ONECUT1: variants seen among roughly 807,000 people sequenced by gnomAD.
ONECUT1 encodes hepatocyte nuclear factor 6.
A neutral mutation model predicts 25.6 loss-of-function variants in ONECUT1; 12 were observed. That is an observed-to-expected ratio of 0.47 (90% CI 0.30 to 0.76). ONECUT1 has a LOEUF of 0.76. Among genes scored for constraint, ONECUT1 ranks in the 30% least tolerant of loss-of-function variants. The pLI, the probability that ONECUT1 is intolerant of heterozygous loss-of-function variation, is 0.07. For missense variants in ONECUT1, 620 were observed against 651.2 expected, an observed-to-expected ratio of 0.95 and a Z score of 0.52; for synonymous variants, 285 against 270.2, an observed-to-expected ratio of 1.05 and a Z score of -0.54.
intron 1 of ONECUT1, among the ~76,000 whole-genome samples, chr15:52,776,774 G>A (rs949427918): frequency 1.3e-5 from 2 of 152,012 alleles, no homozygotes; most frequent in Admixed American, 6.6e-5. Context: ...TTCCTCTTTC[G>A]TGCCCCTGTA....
In ONECUT1 at chr15:52,759,491, C is replaced by T. The variant is rs191947795; in HGVS notation, c.1106-1644G>A. Reference sequence around the variant, plus strand: ...GGCTCCAATTTTTTAAAACAATGTGCTACTTAGTAAAAAAAGTTCTGAGTG... The same window carrying T: ...GGCTCCAATTTTTTAAAACAATGTGTTACTTAGTAAAAAAAGTTCTGAGTG... On this transcript the variant is annotated intron_variant, in intron 1 of 1. Transcript: ENST00000305901. 9.1e-3 allele frequency among the ~76,000 whole-genome samples: 1,380 copies of T among 152,296 alleles called. 25 individuals are homozygous for T. Among genetic ancestry groups the T allele is most frequent in the Non-Finnish European group, 8.1e-3 (550 of 68,028 alleles).
Position 52,757,498 on chromosome 15 carries a change from A to C in ONECUT1, c.*57T>G. ...TGCTATCTTGAGGTCCTGGTCTTTT[A>C]AAAATTTTTTTTAATTTAAAGCTTT... On this transcript the variant is annotated 3_prime_UTR_variant, in exon 2 of 2. Coordinates refer to ENST00000305901, the MANE Select transcript of ONECUT1 (RefSeq NM_004498.4). 6.5e-7 allele frequency: 1 copy of C among 1,535,364 alleles called. No homozygotes were observed. Among genetic ancestry groups the C allele is most frequent in the South Asian group, 1.3e-5 (1 of 77,314 alleles).
At chr15:52,771,438 TG>T (rs35763001) in intron 1 of ONECUT1, among the ~76,000 whole-genome samples, 850 of 69,174 alleles carry the variant, frequency 0.012, 7 homozygotes, top group African/African-American at 0.065. Context: ...AAAAAGCAAG[TG>T]TGTGTGTGTG....
At chr15:52,786,138 G>T (rs2083873564) in intron 1 of ONECUT1, among the ~76,000 whole-genome samples, 1 of 152,246 alleles carries the variant, frequency 6.6e-6, no homozygotes, top group Non-Finnish European at 1.5e-5. Context: ...AACGGCCAAG[G>T]CGCTCTGCAA....
chr15:52,765,363 C>A (rs1026825936), intron 1 of ONECUT1, among the ~76,000 whole-genome samples: 3 of 152,196 alleles, frequency 2.0e-5, no homozygotes, highest in African/African-American at 7.2e-5. Flanking sequence ...GCCAGCCATG[C>A]ACACAGGGTG....
Position 52,790,004 on chromosome 15 carries a change from A to C in ONECUT1, c.-120T>G. ...GGCGACTGTTGCCTTCCTTCCTCTCACTGTGGGGCTCTGTCTCTCTCTCTC... is the reference window on the plus strand; with the variant it reads ...GGCGACTGTTGCCTTCCTTCCTCTCCCTGTGGGGCTCTGTCTCTCTCTCTC... On this transcript the variant is annotated 5_prime_UTR_variant, in exon 1 of 2. Coordinates refer to ENST00000305901, the MANE Select transcript of ONECUT1 (RefSeq NM_004498.4). 7.4e-7 allele frequency: 1 copy of C among 1,357,048 alleles called. No homozygotes were observed. Among genetic ancestry groups the C allele is most frequent in the Non-Finnish European group, 9.5e-7 (1 of 1,056,906 alleles). 84.1% of individuals were successfully genotyped at this position (1,357,048 alleles called of 1,614,324 possible). A position where few individuals can be genotyped will look rare whatever the true frequency, so the allele number is the denominator to read the frequency against.
At chr15:52,783,654 A>G (rs1013208885) in intron 1 of ONECUT1, among the ~76,000 whole-genome samples, 1 of 152,220 alleles carries the variant, frequency 6.6e-6, no homozygotes, top group Non-Finnish European at 1.5e-5. Context: ...AGAGGAAACA[A>G]CAAAACAAAG....
At position 52,777,354 on chromosome 15, in the gene ONECUT1, T is replaced by TC. The variant is rs141434038; in HGVS notation, c.1105+11425dup. 8.9e-3 allele frequency among the ~76,000 whole-genome samples: 1,345 copies of TC among 151,826 alleles called. 18 individuals carry two copies. The highest frequency in any genetic ancestry group is 0.03 in the African/African-American group (1,239 of 41,412). On this transcript the variant is annotated intron_variant, in intron 1 of 1. Coordinates refer to ENST00000305901, the MANE Select transcript of ONECUT1 (RefSeq NM_004498.4). Reference sequence around the variant, plus strand: ...GAAACTTTTTAAGCAGCACATATTCTCCCCCCTTCTCTCCCTCCAATCTGA... The same window carrying TC: ...GAAACTTTTTAAGCAGCACATATTCTCCCCCCCTTCTCTCCCTCCAATCTGA...
intron 1 of ONECUT1, among the ~76,000 whole-genome samples, chr15:52,766,186 A>G (rs1209928472): frequency 6.6e-6 from 1 of 151,652 alleles, no homozygotes; most frequent in Non-Finnish European, 1.5e-5. Context: ...ATAAAACCTT[A>G]TCATGTGATC....
chr15:52,789,299 C>T lies in ONECUT1; in HGVS notation c.586G>A (p.Gly196Arg). The change falls in exon 1 of 2, where the codon GGG (glycine) becomes AGG (arginine). Residue 196 changes from glycine to arginine, a missense_variant. By Grantham distance (125) the Gly-to-Arg change is moderately radical (BLOSUM62 -2). This residue lies in a region of ONECUT1 where 440 missense variants were observed against 404.9 expected (regional missense o/e 1.09). Coordinates refer to ENST00000305901, the MANE Select transcript of ONECUT1 (RefSeq NM_004498.4). This position sits in a 1 kb window ranked among gnomAD's most constrained non-coding sequence, Gnocchi z 4.1. ...GLGSIHNSQQ[G>R]LPHYAHPGAA... is the part of the protein sequence containing the mutation. ...CCCGGGTGGGCATAGTGGGGGAGCC[C>T]TTGCTGGGAGTTGTGGATGCTGCCC... is the stretch of plus-strand genomic sequence containing the variant. The T allele has an allele frequency of 6.4e-7, 1 of 1,560,378 alleles. No individual in the cohort carries two copies. The highest frequency in any genetic ancestry group is 8.7e-7 in the Non-Finnish European group (1 of 1,151,840).
intron 1 of ONECUT1, among the ~76,000 whole-genome samples, chr15:52,761,287 C>T (rs1011340516): frequency 2.0e-5 from 3 of 152,144 alleles, no homozygotes; most frequent in African/African-American, 7.2e-5. Context: ...GGATTATTTG[C>T]CATAACATGC....
chr15:52,786,810 A>G (rs2083878135), intron 1 of ONECUT1, among the ~76,000 whole-genome samples: 1 of 131,710 alleles, frequency 7.6e-6, no homozygotes, highest in African/African-American at 2.8e-5. Flanking sequence ...GAGGAGGGAT[A>G]TTGAAGTCCA....
chr15:52,774,938 G>A (rs765083097), intron 1 of ONECUT1, among the ~76,000 whole-genome samples: 4 of 152,138 alleles, frequency 2.6e-5, no homozygotes, highest in Admixed American at 6.6e-5. Flanking sequence ...TTTCATAAAA[G>A]AGCTAGAATA....
At chr15:52,777,714 ACACACACACACACAC>A (rs1441633570) in intron 1 of ONECUT1, among the ~76,000 whole-genome samples, 2 of 111,564 alleles carry the variant, frequency 1.8e-5, no homozygotes, top group Non-Finnish European at 1.6e-5. Context: ...ACACACACAC[ACACACACACACACAC>A]ACACACACAA....
Position 52,788,794 on chromosome 15 carries a change from G to A in ONECUT1, c.1091C>T (p.Ala364Val). Residue 364 changes from alanine to valine, a missense_variant, in exon 1 of 2, where the codon GCG becomes GTG. Physicochemically the swap from Ala to Val is moderately conservative, Grantham distance 64. This residue lies in a region of ONECUT1 where 146 missense variants were observed against 201.8 expected (regional missense o/e 0.72). Coordinates refer to ENST00000305901, the MANE Select transcript of ONECUT1 (RefSeq NM_004498.4). The surrounding 1 kb of genome is among the most constrained non-coding windows in gnomAD (Gnocchi z 4.3). ...GGCCGGCTCACCTGCTAAGCGGAGCGCGGACATGCGCTGGAACTCCGGCTC... is the reference window on the plus strand; with the variant it reads ...GGCCGGCTCACCTGCTAAGCGGAGCACGGACATGCGCTGGAACTCCGGCTC... ...LQEPEFQRMS[A>V]LRLAACKRKE... 1 of 1,611,026 alleles carries A rather than the reference G, an allele frequency of 6.2e-7. No individual in the cohort carries two copies. Among genetic ancestry groups the A allele is most frequent in the Non-Finnish European group, 8.5e-7 (1 of 1,178,096 alleles).
intron 1 of ONECUT1, among the ~76,000 whole-genome samples, chr15:52,758,472 C>T (rs1005648259): frequency 7.9e-5 from 12 of 152,052 alleles, no homozygotes; most frequent in African/African-American, 2.7e-4. Flanking sequence ...TTTATCATGG[C>T]CATCAAACAG....
chr15:52,759,645 G>A (rs921258857), intron 1 of ONECUT1, among the ~76,000 whole-genome samples: 1 of 152,162 alleles, frequency 6.6e-6, no homozygotes, highest in African/African-American at 2.4e-5. Context: ...TGTTGCCCAG[G>A]CTGGATACAG....
chr15:52,774,347 C>T (rs1174218802), intron 1 of ONECUT1, among the ~76,000 whole-genome samples: 1 of 150,194 alleles, frequency 6.7e-6, no homozygotes, highest in African/African-American at 2.4e-5. Context: ...GTTGCCCAAG[C>T]TGGAGTGCAA....
intron 1 of ONECUT1, among the ~76,000 whole-genome samples, chr15:52,762,870 A>G (rs1047416602): frequency 1.3e-5 from 2 of 152,182 alleles, no homozygotes; most frequent in Non-Finnish European, 2.9e-5. Flanking sequence ...TATAGCTGTG[A>G]GAGCTGAAAT....
Sources: gnomAD v4.1 joint callset for allele counts (sites outside exome capture counted in the v4.1 genomes callset) on GRCh38, gnomAD v4.1.1 for gene constraint, gnomAD v4.1.1 regional missense constraint, Gnocchi (gnomAD v3.1) non-coding constraint, MANE v1.5 for transcripts, NCBI Gene and HGNC (gene_info 2026-07-23, HGNC 2026-07-21) for gene names.